The following DRAXIN variants were observed in gnomAD, a reference collection of about 807,000 sequenced individuals.
The protein encoded by DRAXIN is dorsal inhibitory axon guidance protein, also known as dorsal repulsive axon guidance protein.
A neutral mutation model predicts 33.9 loss-of-function variants in DRAXIN; 27 were observed. The ratio of observed to expected loss-of-function variants is 0.80; its 90% CI spans 0.59 to 1.10. DRAXIN has a LOEUF of 1.10. Ranked by LOEUF, DRAXIN falls within the 50% of genes least tolerant of loss-of-function variation. DRAXIN has a pLI of 0.00. For missense variants in DRAXIN, 371 were observed against 460.8 expected (o/e 0.81, Z 1.78); for synonymous variants, 178 against 194.0 (o/e 0.92, Z 0.69).
At position 11,705,873 on chromosome 1, in the gene DRAXIN, G is replaced by A. The variant is rs1181183655; in HGVS notation, c.-10-376G>A. Among the ~76,000 whole-genome samples the A allele has an allele frequency of 3.3e-5, 5 of 152,302 alleles. No homozygotes were observed. The highest frequency in any genetic ancestry group is 2.1e-4 in the South Asian group (1 of 4,824). ...TCTGAGGGACTCGGTTCCCTCTAGG[G>A]GACTTGGTAAGGGGCAGAGGTTTGT... On this transcript the variant is annotated intron_variant, in intron 1 of 6. Coordinates refer to ENST00000294485, the MANE Select transcript of DRAXIN (RefSeq NM_198545.4). The surrounding 1 kb of genome is among the most constrained non-coding windows in gnomAD (Gnocchi z 4.8).
Position 11,721,816 on chromosome 1 carries a change from C to G in DRAXIN, c.*2120C>G, listed in dbSNP as rs1042716942. On this transcript the variant is annotated 3_prime_UTR_variant, in exon 7 of 7. Coordinates refer to ENST00000294485, the MANE Select transcript of DRAXIN (RefSeq NM_198545.4). ...CCTGGCCAACATGGCAAAACCCGGT[C>G]TCTACCAAATATACAAAAATTAAGG... The G allele has an allele frequency of 1.3e-5, 2 of 152,254 alleles. No homozygotes were observed. The highest frequency in any genetic ancestry group is 4.8e-5 in the African/African-American group (2 of 41,526). 9.4% of individuals were successfully genotyped at this position (152,254 alleles called of 1,614,324 possible). A position where few individuals can be genotyped will look rare whatever the true frequency, so the allele number is the denominator to read the frequency against.
Position 11,706,083 on chromosome 1 carries a change from C to T in DRAXIN, c.-10-166C>T, listed in dbSNP as rs1242806357. The stretch of plus-strand genomic sequence containing the variant: ...CTCCAACCTCTACCTGCCAGTAGCA[C>T]TCCCCAGTTTTGACAACTAAAATAT... On this transcript the variant is annotated intron_variant, in intron 1 of 6. Transcript: ENST00000294485. The surrounding 1 kb of genome is among the most constrained non-coding windows in gnomAD (Gnocchi z 5.5). Among the ~76,000 whole-genome samples the T allele has an allele frequency of 1.3e-5, 2 of 152,204 alleles. No individual in the cohort carries two copies. Among genetic ancestry groups the T allele is most frequent in the African/African-American group, 4.8e-5 (2 of 41,446 alleles).
At chr1:11,708,195 C>G (rs1024396648) in intron 2 of DRAXIN, among the ~76,000 whole-genome samples, 2 of 152,254 alleles carry the variant, frequency 1.3e-5, no homozygotes, top group African/African-American at 4.8e-5. Context: ...TCCTGCTGGG[C>G]TCCGGCTCCG....
At chr1:11,702,932 G>A (rs949999981) in intron 1 of DRAXIN, among the ~76,000 whole-genome samples, 1 of 152,066 alleles carries the variant, frequency 6.6e-6, no homozygotes, top group African/African-American at 2.4e-5. Context: ...TAGTAGAGGC[G>A]GGGCTTCACC....
chr1:11,697,290 G>A lies in DRAXIN; in HGVS notation c.-11+5437G>A, dbSNP rs528944822. Among the ~76,000 whole-genome samples the A allele has an allele frequency of 4.6e-5, 7 of 152,138 alleles. No individual in the cohort carries two copies. In the South Asian group the frequency reaches 6.2e-4, roughly 13 times the overall value. ...TAATGAGACCTGTGGCCTCTCACCC[G>A]GACTGTCTCCCTTATCAGTGGGGAC... is the stretch of plus-strand genomic sequence containing the variant. On this transcript the variant is annotated intron_variant, in intron 1 of 6. Transcript: ENST00000294485.
chr1:11,689,580 C>A, upstream of DRAXIN, among the ~76,000 whole-genome samples: 1 of 150,860 alleles, frequency 6.6e-6, no homozygotes, highest in African/African-American at 2.4e-5. Context: ...TGGGTGAGAG[C>A]AAGACTCCCT....
chr1:11,689,292 CAAAAAA>C (rs70983584), upstream of DRAXIN, among the ~76,000 whole-genome samples: 4 of 67,986 alleles, frequency 5.9e-5, no homozygotes, highest in Non-Finnish European at 7.8e-5. Context: ...GACTCTGTCT[CAAAAAA>C]AAAAAAAAAA....
In DRAXIN at chr1:11,715,299, A is replaced by G. The variant is rs754477106; in HGVS notation, c.937+91A>G. 466 of 1,510,618 alleles carry G rather than the reference A, an allele frequency of 3.1e-4. 1 individual carries two copies. The highest frequency in any genetic ancestry group is 1.2e-3 in the Middle Eastern group (7 of 5,872). 93.6% of individuals were successfully genotyped at this position (1,510,618 alleles called of 1,614,324 possible). ...AAGCGGCTTCTGCACCGAGTGGGGA[A>G]CAAGCTTTCCTGGCAGAGGGTGGAT... On this transcript the variant is annotated intron_variant, in intron 6 of 6. Transcript: ENST00000294485.
chr1:11,694,507 T>C lies in DRAXIN; in HGVS notation c.-11+2654T>C, dbSNP rs1297957879. 3.9e-5 allele frequency among the ~76,000 whole-genome samples: 6 copies of C among 152,136 alleles called. No homozygotes were observed. The highest frequency in any genetic ancestry group is 3.9e-4 in the Admixed American group (6 of 15,266). ...AAGTGGCTCACCCCAGCCGTGCAGA[T>C]TGGGTTTGAAGCCCAGCTGATCACT... is the stretch of plus-strand genomic sequence containing the variant. On this transcript the variant is annotated intron_variant, in intron 1 of 6. Coordinates refer to ENST00000294485, the MANE Select transcript of DRAXIN (RefSeq NM_198545.4). This position sits in a 1 kb window ranked among gnomAD's most constrained non-coding sequence, Gnocchi z 4.9.
intron 6 of DRAXIN, among the ~76,000 whole-genome samples, 174 bp from the exon 7 acceptor site, chr1:11,719,410 C>T (rs1049969392): frequency 2.0e-5 from 3 of 152,220 alleles, no homozygotes; most frequent in Non-Finnish European, 2.9e-5. Context: ...GTTCATTCCT[C>T]CCCTCTTCCG....
chr1:11,715,188 A>C lies in DRAXIN; in HGVS notation c.917A>C (p.Asp306Ala). 6.2e-7 allele frequency: 1 copy of C among 1,614,224 alleles called. No individual in the cohort carries two copies. The highest frequency in any genetic ancestry group is 1.1e-5 in the South Asian group (1 of 91,082). Residue 306 changes from aspartate to alanine, a missense_variant, in exon 6 of 7, where the codon GAT (aspartate) becomes GCT (alanine). Coordinates refer to ENST00000294485, the MANE Select transcript of DRAXIN (RefSeq NM_198545.4). The stretch of plus-strand genomic sequence containing the variant: ...CGAGGCCTCAACAACAAATGCTTCG[A>C]TGACTGCATGTGTGTGGAAGGTGGG... ...HNRGLNNKCF[D>A]DCMCVEGLRC...
In DRAXIN at chr1:11,705,820, CT is replaced by C. The variant is rs1641368920; in HGVS notation, c.-10-428del. 6.6e-6 allele frequency among the ~76,000 whole-genome samples: 1 copy of C among 152,178 alleles called. No individual in the cohort carries two copies. On this transcript the variant is annotated intron_variant, in intron 1 of 6. Coordinates refer to ENST00000294485, the MANE Select transcript of DRAXIN (RefSeq NM_198545.4). The surrounding 1 kb of genome is among the most constrained non-coding windows in gnomAD (Gnocchi z 4.8). ...TATGGAATTAGGCTCCGAGTCAAGT[CT>C]CAGGGGCCAGAGGCATATTTCTGAG... is the stretch of plus-strand genomic sequence containing the variant.
intron 5 of DRAXIN, among the ~76,000 whole-genome samples, chr1:11,712,770 A>G (rs1641514862): frequency 6.6e-6 from 1 of 152,030 alleles, no homozygotes; most frequent in Admixed American, 6.6e-5. Context: ...ATGGTGGAAC[A>G]TGCCTGTAAT....
chr1:11,706,165 G>C lies in DRAXIN; in HGVS notation c.-10-84G>C, dbSNP rs1486883595. ...CAAAATGTCCCTCTATGGCTGTTGAGAAAAACTGGGCTTTAATCATTTGAG... is the reference window on the plus strand; with the variant it reads ...CAAAATGTCCCTCTATGGCTGTTGACAAAAACTGGGCTTTAATCATTTGAG... On this transcript the variant is annotated intron_variant, in intron 1 of 6. Coordinates refer to ENST00000294485, the MANE Select transcript of DRAXIN (RefSeq NM_198545.4). The surrounding 1 kb of genome is among the most constrained non-coding windows in gnomAD (Gnocchi z 5.5). 1.5e-6 allele frequency: 2 copies of C among 1,315,680 alleles called. No homozygotes were observed. Among genetic ancestry groups the C allele is most frequent in the Non-Finnish European group, 2.0e-6 (2 of 982,368 alleles). The allele number at this position is 1,315,680 out of a possible 1,614,324, so 81.5% of individuals were successfully genotyped here.
chr1:11,691,321 G>A (rs149210177), upstream of DRAXIN: 262 of 152,160 alleles, frequency 1.7e-3, 3 homozygotes, highest in East Asian at 0.021. Context: ...TTTGTCGCCC[G>A]CCCTGCGCGG....
At position 11,696,863 on chromosome 1, in the gene DRAXIN, A is replaced by G. The variant is rs1641200661; in HGVS notation, c.-11+5010A>G. Among the ~76,000 whole-genome samples, 1 of 151,742 alleles carries G rather than the reference A, an allele frequency of 6.6e-6. No individual in the cohort carries two copies. The highest frequency in any genetic ancestry group is 2.1e-4 in the South Asian group (1 of 4,800). On this transcript the variant is annotated intron_variant, in intron 1 of 6. Coordinates refer to ENST00000294485, the MANE Select transcript of DRAXIN (RefSeq NM_198545.4). This position sits in a 1 kb window ranked among gnomAD's most constrained non-coding sequence, Gnocchi z 4.7. Reference sequence around the variant, plus strand: ...GTGACAGAGCAAGACTCTGTCTCAAAAAACAAAAACAAAACAAATCAAAAT... The same window carrying G: ...GTGACAGAGCAAGACTCTGTCTCAAGAAACAAAAACAAAACAAATCAAAAT...
At chr1:11,717,150 G>A (rs1042187865) in intron 6 of DRAXIN, among the ~76,000 whole-genome samples, 3 of 151,384 alleles carry the variant, frequency 2.0e-5, no homozygotes, top group Non-Finnish European at 4.4e-5. Context: ...GGGCATGGTG[G>A]CACTTGCCTG....
rs1397519669 is a variant in DRAXIN at position 11,723,561 on chromosome 1, G to A, written c.*3865G>A. 1 of 151,854 alleles carries A rather than the reference G, an allele frequency of 6.6e-6. No individual in the cohort carries two copies. Among genetic ancestry groups the A allele is most frequent in the Non-Finnish European group, 1.5e-5 (1 of 67,992 alleles). The allele number at this position is 151,854 out of a possible 1,614,324, so 9.4% of individuals were successfully genotyped here. A position where few individuals can be genotyped will look rare whatever the true frequency, so the allele number is the denominator to read the frequency against. ...GGGAATAATAACTCTCCCTTCATAG[G>A]GTTGTTGTGAGTAGTGAATGCATAC... On this transcript the variant is annotated 3_prime_UTR_variant, in exon 7 of 7. Transcript: ENST00000294485.
upstream of DRAXIN, among the ~76,000 whole-genome samples, chr1:11,690,122 G>A (rs548453438): frequency 6.6e-5 from 10 of 152,112 alleles, no homozygotes; most frequent in South Asian, 2.1e-4. The surrounding 1 kb of genome is among the most constrained non-coding windows in gnomAD (Gnocchi z 4.2). Flanking sequence ...TTTCTTCATA[G>A]CACTAATCAC....
Sources: gnomAD v4.1 joint callset for allele counts (sites outside exome capture counted in the v4.1 genomes callset) on GRCh38, gnomAD v4.1.1 for gene constraint, Gnocchi (gnomAD v3.1) non-coding constraint, MANE v1.5 for transcripts, NCBI Gene and HGNC (gene_info 2026-07-23, HGNC 2026-07-21) for gene names.